Variants in TPSG1 observed in about 807,000 individuals in gnomAD.
The protein encoded by TPSG1 is tryptase gamma.
A neutral mutation model predicts 23.8 loss-of-function variants in TPSG1; 43 were observed. That is an observed-to-expected ratio of 1.81 (90% CI 1.42 to 2.33). The LOEUF (loss-of-function observed/expected upper bound fraction) is 2.33, where lower values mean the gene tolerates loss of function less well. TPSG1 is among the 30% of genes most tolerant of loss of function. The pLI, the probability that TPSG1 is intolerant of heterozygous loss-of-function variation, is 0.00. For synonymous variants in TPSG1, 302 were observed against 201.3 expected (o/e 1.50, Z -4.23); for missense variants, 623 against 438.6 (o/e 1.42, Z -3.75).
chr16:1,223,171 G>T (rs2029916792), intron 3 of TPSG1, among the ~76,000 whole-genome samples: 1 of 152,212 alleles, frequency 6.6e-6, no homozygotes, highest in Non-Finnish European at 1.5e-5. Flanking sequence ...GAGGCAGATT[G>T]CAAGCTCAGC....
chr16:1,223,319 C>G, intron 3 of TPSG1, 104 bp downstream of exon 3: 1 of 1,364,238 alleles, frequency 7.3e-7, no homozygotes, highest in Non-Finnish European at 9.7e-7. Context: ...GCTCAGAGTT[C>G]CCAAGCCTCG....
rs905514953 is a variant in TPSG1 at position 1,221,689 on chromosome 16, A to G, written c.*99T>C. The G allele has an allele frequency of 4.1e-6, 5 of 1,217,054 alleles. No individual in the cohort carries two copies. In the Admixed American group the frequency reaches 1.4e-4, roughly 35 times the overall value. 75.4% of individuals were successfully genotyped at this position (1,217,054 alleles called of 1,614,324 possible). A position where few individuals can be genotyped will look rare whatever the true frequency, so the allele number is the denominator to read the frequency against. ...CTTTTAAATTCAGGTTAAATGTTGC[A>G]ATAATCTGATGCAGAAGACTCAGCT... On this transcript the variant is annotated 3_prime_UTR_variant, in exon 6 of 6. Transcript: ENST00000234798.
At position 1,222,270 on chromosome 16, in the gene TPSG1, C is replaced by G. The variant is rs747975016; in HGVS notation, c.583G>C (p.Asp195His). 2 of 1,611,948 alleles carry G rather than the reference C, an allele frequency of 1.2e-6. No individual in the cohort carries two copies. The highest frequency in any genetic ancestry group is 3.3e-5 in the Admixed American group (2 of 59,988). Residue 195 changes from aspartate to histidine, a missense_variant, in exon 5 of 6, where the codon GAC (aspartate) becomes CAC (histidine). Transcript: ENST00000234798. ...ATGCTGCCCCCGGGGCCGGGATAGT[C>G]CCGGCGGCAGGTCTCTGTGTCCACC... Reference protein sequence around the residue: ...SVVDTETCRRDYPGPGGSILQ... With the variant: ...SVVDTETCRRHYPGPGGSILQ...
At chr16:1,224,760 G>C in intron 1 of TPSG1, 132 bp from the exon 2 acceptor site, 5 of 1,086,246 alleles carry the variant, frequency 4.6e-6, no homozygotes. Flanking sequence ...GGCCCGGCCT[G>C]GTGAGGCTGG....
rs778585253 is a variant in TPSG1 at position 1,222,670 on chromosome 16, C to A, written c.493G>T (p.Gly165Cys). 7 of 1,572,368 alleles carry A rather than the reference C, an allele frequency of 4.5e-6. No individual in the cohort carries two copies. The highest frequency in any genetic ancestry group is 1.7e-5 in the Admixed American group (1 of 58,134). Residue 165 changes from glycine to cysteine, a missense_variant, in exon 4 of 6, where the codon GGC (glycine) becomes TGC (cysteine). Gly to Cys is a radical substitution (Grantham distance 159, BLOSUM62 -3). Coordinates refer to ENST00000234798, the MANE Select transcript of TPSG1 (RefSeq NM_012467.4). ...TCCTCACCTCCCTCCCGCGTATAGC[C>A]CCAGCCGGTCACCCAGCACCGGATC... is the stretch of plus-strand genomic sequence containing the variant. The part of the protein sequence containing the change: ...PGIRCWVTGW[G>C]YTREGEPLPP...
chr16:1,224,615 C>T lies in TPSG1; in HGVS notation c.60G>A (p.Arg20=), dbSNP rs111758684. 2.5e-6 allele frequency: 4 copies of T among 1,613,880 alleles called. No individual in the cohort carries two copies. Among genetic ancestry groups the T allele is most frequent in the Non-Finnish European group, 3.4e-6 (4 of 1,179,896 alleles). ...TCAGAGACGTACCTGGCTGCAAAGTCCTGAGGGACACACCTGTGGGAAAGA... is the reference window on the plus strand; with the variant it reads ...TCAGAGACGTACCTGGCTGCAAAGTTCTGAGGGACACACCTGTGGGAAAGA... ...LLLAVPGVSL[R]TLQPGCGRPQ... The change falls in exon 2 of 6, where the codon AGG becomes AGA. Residue 20 remains arginine (R), a synonymous_variant. Coordinates refer to ENST00000234798, the MANE Select transcript of TPSG1 (RefSeq NM_012467.4).
chr16:1,223,467 C>T lies in TPSG1; in HGVS notation c.201G>A (p.Leu67=), dbSNP rs368041692. 16 of 1,586,874 alleles carry T rather than the reference C, an allele frequency of 1.0e-5. No individual in the cohort carries two copies. The highest frequency in any genetic ancestry group is 1.3e-5 in the Non-Finnish European group (15 of 1,169,242). ...CTGTGAGCACCCACTGGGGGCTGAGCAGTGACCCGCCGCACACGTGCACCC... is the reference window on the plus strand; with the variant it reads ...CTGTGAGCACCCACTGGGGGCTGAGTAGTGACCCGCCGCACACGTGCACCC... The part of the protein sequence containing the change: ...LRRVHVCGGS[L]LSPQWVLTAA... Residue 67 remains leucine (L), a synonymous_variant, in exon 3 of 6, where the codon CTG becomes CTA. Coordinates refer to ENST00000234798, the MANE Select transcript of TPSG1 (RefSeq NM_012467.4).
chr16:1,221,742 G>T lies in TPSG1; in HGVS notation c.*46C>A. 1 of 1,516,856 alleles carries T rather than the reference G, an allele frequency of 6.6e-7. No homozygotes were observed. The highest frequency in any genetic ancestry group is 8.9e-7 in the Non-Finnish European group (1 of 1,121,324). The allele number at this position is 1,516,856 out of a possible 1,614,324, so 94.0% of individuals were successfully genotyped here. A position where few individuals can be genotyped will look rare whatever the true frequency, so the allele number is the denominator to read the frequency against. ...TCAAGGGAGAGGGAGGGGGCGGAGC[G>T]GAATAAATAGTAACTTATTTAAGAA... On this transcript the variant is annotated 3_prime_UTR_variant, in exon 6 of 6. Transcript: ENST00000234798.
chr16:1,223,036 G>C, intron 3 of TPSG1, 119 bp from the exon 4 acceptor site: 1 of 1,293,058 alleles, frequency 7.7e-7, no homozygotes, highest in African/African-American at 1.5e-5. Context: ...TCCTAGGCTT[G>C]GGACGCAGAA....
chr16:1,223,427 A>G lies in TPSG1; in HGVS notation c.241T>C (p.Ser81Pro). 2 of 1,584,196 alleles carry G rather than the reference A, an allele frequency of 1.3e-6. No individual in the cohort carries two copies. The highest frequency in any genetic ancestry group is 1.7e-6 in the Non-Finnish European group (2 of 1,167,484). ...CCTGCCCACCCGGACACTCACCCGG[A>G]GAAGCAGTGGGCAGCTGTGAGCACC... ...QWVLTAAHCF[S>P]GSLNSSDYQV... The change falls in exon 3 of 6, where the codon TCC (serine) becomes CCC (proline). Residue 81 changes from serine to proline, a missense_variant. Physicochemically the swap from Ser to Pro is moderately conservative, Grantham distance 74. Coordinates refer to ENST00000234798, the MANE Select transcript of TPSG1 (RefSeq NM_012467.4).
In TPSG1 at chr16:1,225,240, C is replaced by A; in HGVS notation, c.13G>T (p.Ala5Ser). The change falls in exon 1 of 6, where the codon GCC becomes TCC. Residue 5 changes from alanine (A) to serine (S), a missense_variant. By Grantham distance (99) the Ala-to-Ser change is moderately conservative. Transcript: ENST00000234798. MALG[A>S]CGLLLLLAVP... ...GCCAGGAGCAGCAGGAGGCCACAGG[C>A]CCCAAGGGCCATGGTGTCTGCCCAC... 6.3e-7 allele frequency: 1 copy of A among 1,576,090 alleles called. No individual in the cohort carries two copies.
chr16:1,221,691 TA>T lies in TPSG1; in HGVS notation c.*96del. On this transcript the variant is annotated 3_prime_UTR_variant, in exon 6 of 6. Coordinates refer to ENST00000234798, the MANE Select transcript of TPSG1 (RefSeq NM_012467.4). The stretch of plus-strand genomic sequence containing the variant: ...TTTAAATTCAGGTTAAATGTTGCAA[TA>T]ATCTGATGCAGAAGACTCAGCTTCT... The T allele has an allele frequency of 8.1e-7, 1 of 1,235,322 alleles. No homozygotes were observed. The highest frequency in any genetic ancestry group is 1.1e-6 in the Non-Finnish European group (1 of 902,250). 76.5% of individuals were successfully genotyped at this position (1,235,322 alleles called of 1,614,324 possible).
intron 2 of TPSG1, chr16:1,223,843 G>A (rs766433664): frequency 1.3e-5 from 7 of 522,300 alleles, no homozygotes; most frequent in South Asian, 1.0e-4. Context: ...CAGGGCTCCC[G>A]GAGGCGGTGG....
At chr16:1,223,360 C>A in intron 3 of TPSG1, 63 bp downstream of exon 3, 1 of 1,494,034 alleles carries the variant, frequency 6.7e-7, no homozygotes, top group South Asian at 1.3e-5. Context: ...GAGGCCTCTG[C>A]GCTGGCGCAT....
At position 1,222,087 on chromosome 16, in the gene TPSG1, C is replaced by T. The variant is rs113403420; in HGVS notation, c.667G>A (p.Gly223Arg). 38 of 1,612,772 alleles carry T rather than the reference C, an allele frequency of 2.4e-5. No homozygotes were observed. In the East Asian group the frequency reaches 3.3e-4, roughly 14 times the overall value. The change falls in exon 6 of 6, where the codon GGG becomes AGG. Residue 223 changes from glycine (G) to arginine (R), a missense_variant. By Grantham distance (125) the Gly-to-Arg change is moderately radical (BLOSUM62 -2). Coordinates refer to ENST00000234798, the MANE Select transcript of TPSG1 (RefSeq NM_012467.4). ...GPGDACQDDS[G>R]GPLVCQVNGA... ...TTCACCTGGCAGACCAGAGGCCCCC[C>T]GGAGTCGTCCTGAGGACAGAGAAGG... is the stretch of plus-strand genomic sequence containing the variant.
chr16:1,224,560 G>A (rs765872565), intron 2 of TPSG1, 42 bp downstream of exon 2: 2 of 1,612,724 alleles, frequency 1.2e-6, no homozygotes, highest in Non-Finnish European at 1.7e-6. Context: ...GCCAGGCCTT[G>A]CCTGCACCCT....
chr16:1,224,221 A>T lies in TPSG1; in HGVS notation c.73+381T>A, dbSNP rs1168680315. The T allele has an allele frequency of 5.5e-5, 13 of 235,718 alleles. No homozygotes were observed. The South Asian group carries it at 8.4e-4, about 15-fold the overall frequency. 14.6% of individuals were successfully genotyped at this position (235,718 alleles called of 1,614,324 possible). A position where few individuals can be genotyped will look rare whatever the true frequency, so the allele number is the denominator to read the frequency against. ...TGGGCTGAATGGAAGGGAAGCTGGG[A>T]TGTAGACAGACAGAGATGTTTATAG... is the stretch of plus-strand genomic sequence containing the variant. On this transcript the variant is annotated intron_variant, in intron 2 of 5. Transcript: ENST00000234798.
chr16:1,222,104 C>T lies in TPSG1; in HGVS notation c.658-8G>A, dbSNP rs369904055. 7 of 1,612,554 alleles carry T rather than the reference C, an allele frequency of 4.3e-6. No individual in the cohort carries two copies. In the African/African-American group the frequency reaches 8.0e-5, roughly 18 times the overall value. On this transcript the variant is annotated splice_region_variant and splice_polypyrimidine_tract_variant and intron_variant, in intron 5 of 5. Coordinates refer to ENST00000234798, the MANE Select transcript of TPSG1 (RefSeq NM_012467.4). Reference sequence around the variant, plus strand: ...AGGCCCCCCGGAGTCGTCCTGAGGACAGAGAAGGCGAGCATTGGGAGCCGA... The same window carrying T: ...AGGCCCCCCGGAGTCGTCCTGAGGATAGAGAAGGCGAGCATTGGGAGCCGA...
rs1485957964 is a variant in TPSG1 at position 1,223,443 on chromosome 16, T to C, written c.225A>G (p.Thr75=). ...GSLLSPQWVL[T]AAHCFSGSLN... is the part of the protein sequence containing the mutation. ...CTCACCCGGAGAAGCAGTGGGCAGC[T>C]GTGAGCACCCACTGGGGGCTGAGCA... Residue 75 remains threonine, a synonymous_variant, in exon 3 of 6, where the codon ACA becomes ACG. Coordinates refer to ENST00000234798, the MANE Select transcript of TPSG1 (RefSeq NM_012467.4). The C allele has an allele frequency of 5.7e-6, 9 of 1,588,288 alleles. No individual in the cohort carries two copies. Among genetic ancestry groups the C allele is most frequent in the African/African-American group, 1.3e-5 (1 of 74,692 alleles).
Sources: allele counts gnomAD v4.1 joint callset (sites outside exome capture counted in the v4.1 genomes callset), GRCh38; gene constraint gnomAD v4.1.1; transcripts MANE v1.5; gene names NCBI Gene and HGNC (gene_info 2026-07-23, HGNC 2026-07-21).